Variants in DCLK2 observed in about 807,000 individuals in gnomAD.
DCLK2 encodes serine/threonine-protein kinase DCLK2.
DCLK2 carries 31 observed loss-of-function variants against 78.4 expected under a neutral mutation model. The observed-to-expected ratio is 0.40, with a 90% confidence interval of 0.30 to 0.53. The LOEUF (loss-of-function observed/expected upper bound fraction) is 0.53. Ranked by LOEUF, DCLK2 falls within the 20% of genes least tolerant of loss-of-function variation. The pLI is 0.61. For synonymous variants in DCLK2, 407 were observed against 374.9 expected (o/e 1.09, Z -0.99); for missense variants, 872 against 973.7 (o/e 0.90, Z 1.39).
intron 2 of DCLK2, among the ~76,000 whole-genome samples, chr4:150,145,643 T>C (rs1476815208): frequency 2.6e-5 from 4 of 152,222 alleles, no homozygotes; most frequent in Non-Finnish European, 5.9e-5. Flanking sequence ...ATTAGGTGGT[T>C]AGATCTGTTA....
At position 150,232,843 on chromosome 4, in the gene DCLK2, C is replaced by T; in HGVS notation, c.1566+15C>T. The T allele has an allele frequency of 2.5e-6, 4 of 1,606,622 alleles. No homozygotes were observed. Among genetic ancestry groups the T allele is most frequent in the Non-Finnish European group, 3.4e-6 (4 of 1,175,148 alleles). ...AGAATCTCTTGGTATGTCATCCCTG[C>T]TTTTTCTGTTCCAATGAATGCCTCT... On this transcript the variant is annotated intron_variant, in intron 10 of 15. Coordinates refer to ENST00000296550, the MANE Select transcript of DCLK2 (RefSeq NM_001040260.4).
At chr4:150,203,125 T>C (rs952446620) in intron 4 of DCLK2, among the ~76,000 whole-genome samples, 113 of 152,290 alleles carry the variant, frequency 7.4e-4, no homozygotes, top group African/African-American at 2.6e-3. Context: ...AGAGCAGATG[T>C]GTAGAAAACT....
chr4:150,136,979 CTTTTTTT>C (rs35729685), intron 2 of DCLK2, among the ~76,000 whole-genome samples: 5 of 82,406 alleles, frequency 6.1e-5, no homozygotes, highest in African/African-American at 2.3e-4. Context: ...TCTTCTTCTT[CTTTTTTT>C]TTTTTTTTTT....
intron 5 of DCLK2, among the ~76,000 whole-genome samples, chr4:150,207,766 A>G (rs1194687075): frequency 6.6e-6 from 1 of 152,182 alleles, no homozygotes; most frequent in African/African-American, 2.4e-5. Flanking sequence ...TCTTGATTAT[A>G]TATTTGTTTT....
chr4:150,137,072 C>T (rs557388725), intron 2 of DCLK2, among the ~76,000 whole-genome samples: 2 of 141,768 alleles, frequency 1.4e-5, no homozygotes, highest in African/African-American at 2.6e-5. Flanking sequence ...GCCTTGAGCT[C>T]CTGGGCTCAA....
chr4:150,192,625 T>G (rs1400625999), intron 2 of DCLK2, among the ~76,000 whole-genome samples: 4 of 152,150 alleles, frequency 2.6e-5, no homozygotes, highest in African/African-American at 9.7e-5. Context: ...TGGGGGTGAC[T>G]ATTAACACAT....
chr4:150,095,173 C>T (rs1730369341), intron 1 of DCLK2, among the ~76,000 whole-genome samples: 1 of 152,192 alleles, frequency 6.6e-6, no homozygotes, highest in Non-Finnish European at 1.5e-5. Context: ...AAGTGAACCT[C>T]TTTGTGACTA....
chr4:150,078,611 C>G lies in DCLK2; in HGVS notation c.-417C>G, dbSNP rs1275645239. 1 of 152,378 alleles carries G rather than the reference C, an allele frequency of 6.6e-6. No homozygotes were observed. The highest frequency in any genetic ancestry group is 1.5e-5 in the Non-Finnish European group (1 of 68,370). 9.4% of individuals were successfully genotyped at this position (152,378 alleles called of 1,614,324 possible). A position where few individuals can be genotyped will look rare whatever the true frequency, so the allele number is the denominator to read the frequency against. On this transcript the variant is annotated 5_prime_UTR_variant, in exon 1 of 16. Coordinates refer to ENST00000296550, the MANE Select transcript of DCLK2 (RefSeq NM_001040260.4). Reference sequence around the variant, plus strand: ...ACCCTTCCTTCCTTCCTCCCCTCGGCGCTCCCGGGAGCGCTCGGCAGACGC... The same window carrying G: ...ACCCTTCCTTCCTTCCTCCCCTCGGGGCTCCCGGGAGCGCTCGGCAGACGC...
chr4:150,097,775 CTATACAGAAACCAAAACCCTCTTTG>C (rs1239982042), intron 1 of DCLK2, among the ~76,000 whole-genome samples: 38 of 152,136 alleles, frequency 2.5e-4, no homozygotes, highest in African/African-American at 8.4e-4. Flanking sequence ...TTTCCTCTTT[CTATACAGAAACCAAAACCCTCTTTG>C]TATATAGTAC....
intron 2 of DCLK2, among the ~76,000 whole-genome samples, chr4:150,131,157 G>A (rs915198881): frequency 2.6e-5 from 4 of 151,998 alleles, no homozygotes; most frequent in South Asian, 2.1e-4. Context: ...CAAGTAGCTC[G>A]GATTACAGGC....
intron 15 of DCLK2, chr4:150,254,353 A>G (rs1744412766): frequency 2.5e-6 from 1 of 398,800 alleles, no homozygotes; most frequent in Admixed American, 4.4e-5. Flanking sequence ...GTTGAAAGTA[A>G]GTCTAGTTTC....
chr4:150,231,002 C>T (rs1560892133), intron 8 of DCLK2, among the ~76,000 whole-genome samples: 2 of 152,246 alleles, frequency 1.3e-5, no homozygotes, highest in Non-Finnish European at 2.9e-5. Flanking sequence ...CAGTGTGGTG[C>T]TACTGCATGC....
chr4:150,086,060 C>A (rs917077368), intron 1 of DCLK2, among the ~76,000 whole-genome samples: 1 of 152,186 alleles, frequency 6.6e-6, no homozygotes, highest in African/African-American at 2.4e-5. Context: ...CAGTAACATA[C>A]AGGAGGATCT....
intron 10 of DCLK2, 49 bp downstream of exon 10, chr4:150,232,877 A>C (rs199620276): frequency 1.3e-6 from 2 of 1,587,332 alleles, no homozygotes; most frequent in Non-Finnish European, 1.7e-6. Flanking sequence ...CTCTTCCTTT[A>C]AAAGGAGCAC....
intron 2 of DCLK2, among the ~76,000 whole-genome samples, chr4:150,178,482 TC>T (rs1395288034): frequency 6.6e-6 from 1 of 152,116 alleles, no homozygotes; most frequent in Non-Finnish European, 1.5e-5. Context: ...GAGGATTTCT[TC>T]GACCGTAGAT....
intron 1 of DCLK2, among the ~76,000 whole-genome samples, chr4:150,096,637 C>T (rs992214947): frequency 2.6e-5 from 4 of 152,136 alleles, no homozygotes; most frequent in African/African-American, 7.2e-5. Flanking sequence ...AAAGGATTTG[C>T]ATGAAGAGGA....
chr4:150,093,404 G>A (rs892973171), intron 1 of DCLK2, among the ~76,000 whole-genome samples: 4 of 152,164 alleles, frequency 2.6e-5, no homozygotes, highest in African/African-American at 4.8e-5. Context: ...TTATTGAGAC[G>A]GAGTCTTGCC....
chr4:150,152,145 G>A lies in DCLK2; in HGVS notation c.757-40993G>A, dbSNP rs191266338. On this transcript the variant is annotated intron_variant, in intron 2 of 15. Transcript: ENST00000296550. Reference sequence around the variant, plus strand: ...TGTATAAGAACCAGGAGGAAAAACAGGGAACAGTAAGTATAGCATCTGCAA... The same window carrying A: ...TGTATAAGAACCAGGAGGAAAAACAAGGAACAGTAAGTATAGCATCTGCAA... Among the ~76,000 whole-genome samples the A allele has an allele frequency of 1.2e-4, 18 of 152,286 alleles. No homozygotes were observed. In the East Asian group the frequency reaches 2.3e-3, roughly 20 times the overall value.
chr4:150,128,438 C>G (rs1733070121), intron 2 of DCLK2, among the ~76,000 whole-genome samples: 1 of 152,018 alleles, frequency 6.6e-6, no homozygotes, highest in Admixed American at 6.6e-5. Context: ...AATGCATTTC[C>G]AAGAGATTTG....
Sources: allele counts gnomAD v4.1 joint callset (sites outside exome capture counted in the v4.1 genomes callset), GRCh38; gene constraint gnomAD v4.1.1; transcripts MANE v1.5; gene names NCBI Gene and HGNC (gene_info 2026-07-23, HGNC 2026-07-21).